SYNE2: variants seen among roughly 807,000 people sequenced by gnomAD.
The protein encoded by SYNE2 is spectrin repeat containing nuclear envelope protein 2, also known as nesprin-2.
SYNE2 carries 431 observed loss-of-function variants against 856.3 expected under a neutral mutation model. The ratio of observed to expected loss-of-function variants is 0.50; its 90% CI spans 0.47 to 0.55. SYNE2 has a LOEUF of 0.55. SYNE2 is among the 20% of genes least tolerant of loss of function. The pLI is 0.00. For synonymous variants in SYNE2, 2,923 were observed against 2,872.3 expected (o/e 1.02, Z -0.56); for missense variants, 8,129 against 8,023.2 (o/e 1.01, Z -0.50).
chr14:64,154,622 A>C (rs574072146), intron 85 of SYNE2, among the ~76,000 whole-genome samples: 1 of 152,068 alleles, frequency 6.6e-6, no homozygotes, highest in African/African-American at 2.4e-5. Context: ...GCAAAACCCT[A>C]TCTCTACCAA....
At position 63,892,849 on chromosome 14, in the gene SYNE2, T is replaced by TA. The variant is rs1257089149; in HGVS notation, c.-51-16248dup. ...CCTCCCAAGTAGCTGGCCTATAGGC[T>TA]AGGGCTACCATGCCTGGCTGTTTTA... is the stretch of plus-strand genomic sequence containing the variant. On this transcript the variant is annotated intron_variant, in intron 1 of 115. Transcript: ENST00000555002. Among the ~76,000 whole-genome samples, 5 of 152,138 alleles carry TA rather than the reference T, an allele frequency of 3.3e-5. No individual in the cohort carries two copies. In the East Asian group the frequency reaches 9.7e-4, roughly 29 times the overall value.
chr14:63,974,892 G>GTGTGTATATATATATATATATATA (rs1375697679), intron 11 of SYNE2, among the ~76,000 whole-genome samples: 19 of 67,296 alleles, frequency 2.8e-4, no homozygotes, highest in Admixed American at 7.1e-4. Context: ...GTGTGTGTGT[G>GTGTGTATATATATATATATATATA]TATATATATA....
chr14:64,183,372 G>C (rs1256920058), intron 96 of SYNE2, among the ~76,000 whole-genome samples: 1 of 146,980 alleles, frequency 6.8e-6, no homozygotes, highest in African/African-American at 2.6e-5. Flanking sequence ...GCCGGGCAGA[G>C]ATGCTCCTCA....
chr14:63,866,018 T>C (rs1895212325), intron 1 of SYNE2, among the ~76,000 whole-genome samples: 1 of 152,172 alleles, frequency 6.6e-6, no homozygotes, highest in African/African-American at 2.4e-5. Flanking sequence ...GACTATAGTT[T>C]TGAGATTTCT....
chr14:64,222,641 G>A (rs565744468), intron 112 of SYNE2, among the ~76,000 whole-genome samples: 11 of 152,264 alleles, frequency 7.2e-5, no homozygotes, highest in South Asian at 4.2e-4. Flanking sequence ...CACGAGAATC[G>A]CTTGAACCCA....
At chr14:64,185,914 T>G (rs1162110371) in intron 96 of SYNE2, among the ~76,000 whole-genome samples, 1 of 152,248 alleles carries the variant, frequency 6.6e-6, no homozygotes, top group African/African-American at 2.4e-5. Flanking sequence ...TTTCTTCCGT[T>G]ATACTTACTC....
At chr14:64,069,863 T>A (rs530729413) in intron 51 of SYNE2, among the ~76,000 whole-genome samples, 2 of 152,308 alleles carry the variant, frequency 1.3e-5, no homozygotes, top group South Asian at 4.1e-4. Context: ...TGGAGTGATA[T>A]CCTGTAATGT....
intron 57 of SYNE2, 125 bp downstream of exon 57, chr14:64,081,705 G>A: frequency 9.0e-7 from 1 of 1,111,612 alleles, no homozygotes; most frequent in Non-Finnish European, 1.3e-6. Context: ...CCATGTCAGT[G>A]GCAGAAGGAA....
chr14:63,861,323 T>G (rs1391073418), intron 1 of SYNE2, among the ~76,000 whole-genome samples: 2 of 151,852 alleles, frequency 1.3e-5, no homozygotes, highest in Non-Finnish European at 2.9e-5. Flanking sequence ...TTTTGTATTT[T>G]TAGTAGAGAC....
At chr14:63,914,158 A>G (rs2095508357) in intron 2 of SYNE2, among the ~76,000 whole-genome samples, 1 of 152,226 alleles carries the variant, frequency 6.6e-6, no homozygotes, top group Non-Finnish European at 1.5e-5. Context: ...GTCAGAAACA[A>G]CATCTGTGCT....
chr14:64,046,091 A>C (rs1198083361), intron 45 of SYNE2, among the ~76,000 whole-genome samples: 1 of 152,252 alleles, frequency 6.6e-6, no homozygotes, highest in African/African-American at 2.4e-5. Flanking sequence ...GTAACCTGAA[A>C]ATAAAAACGA....
chr14:63,809,831 T>G (rs1888546254), intron 1 of SYNE2, among the ~76,000 whole-genome samples: 1 of 151,496 alleles, frequency 6.6e-6, no homozygotes, highest in Non-Finnish European at 1.5e-5. Flanking sequence ...ATTGATAATT[T>G]CCTGAAATCA....
At chr14:63,807,463 A>G (rs1056006605) in intron 1 of SYNE2, among the ~76,000 whole-genome samples, 2 of 152,142 alleles carry the variant, frequency 1.3e-5, no homozygotes, top group African/African-American at 4.8e-5. Flanking sequence ...GTTTGCAGAA[A>G]AGGAATCTTG....
At chr14:63,890,283 G>C (rs962440967) in intron 1 of SYNE2, among the ~76,000 whole-genome samples, 2 of 151,736 alleles carry the variant, frequency 1.3e-5, no homozygotes, top group East Asian at 1.9e-4. Context: ...GGCTGATCTC[G>C]AACTCCTGAG....
At position 63,940,687 on chromosome 14, in the gene SYNE2, A is replaced by C. The variant is rs1453226677; in HGVS notation, c.141+12A>C. ...CACAGTTGGCCAGGGTAAGCAAATG[A>C]AGACCAAATTAGTTTATAAATCTAT... On this transcript the variant is annotated intron_variant, in intron 3 of 115. Coordinates refer to ENST00000555002, the MANE Select transcript of SYNE2 (RefSeq NM_182914.3). 1.9e-6 allele frequency: 3 copies of C among 1,613,342 alleles called. No individual in the cohort carries two copies. The Admixed American group carries it at 5.0e-5, about 27-fold the overall frequency.
At chr14:64,117,640 T>A (rs1473773726) in intron 66 of SYNE2, among the ~76,000 whole-genome samples, 1 of 152,090 alleles carries the variant, frequency 6.6e-6, no homozygotes, top group African/African-American at 2.4e-5. Context: ...ATCCTGAAGG[T>A]TATTTTATAT....
At position 64,042,780 on chromosome 14, in the gene SYNE2, G is replaced by A. The variant is rs935265651; in HGVS notation, c.7222-5220G>A. On this transcript the variant is annotated intron_variant, in intron 45 of 115. Transcript: ENST00000555002. Reference sequence around the variant, plus strand: ...ACCTCTTTCTTTTTTAAATTGCCCTGTCTTGGGTATGTCTTTATCAGCACC... The same window carrying A: ...ACCTCTTTCTTTTTTAAATTGCCCTATCTTGGGTATGTCTTTATCAGCACC... Among the ~76,000 whole-genome samples the A allele has an allele frequency of 1.3e-5, 2 of 151,960 alleles. 1 individual carries two copies. The highest frequency in any genetic ancestry group is 4.1e-4 in the South Asian group (2 of 4,820).
intron 100 of SYNE2, among the ~76,000 whole-genome samples, chr14:64,207,734 T>G (rs922600196): frequency 1.3e-5 from 2 of 152,210 alleles, no homozygotes; most frequent in African/African-American, 2.4e-5. Flanking sequence ...GGAACTGGAT[T>G]TAGTCTAGTT....
intron 1 of SYNE2, among the ~76,000 whole-genome samples, chr14:63,796,606 A>T (rs1887922460): frequency 1.3e-5 from 2 of 152,204 alleles, no homozygotes; most frequent in African/African-American, 2.4e-5. Flanking sequence ...AGAAAATAAT[A>T]AAAATGCTTT....
Sources: gnomAD v4.1 joint callset for allele counts (sites outside exome capture counted in the v4.1 genomes callset) on GRCh38, gnomAD v4.1.1 for gene constraint, MANE v1.5 for transcripts, NCBI Gene and HGNC (gene_info 2026-07-23, HGNC 2026-07-21) for gene names.